Variants in NRP2 observed in about 807,000 individuals in gnomAD.
NRP2 encodes the protein neuropilin-2.
In NRP2, 52 loss-of-function variants were observed where a neutral mutation model predicts 110.4. The ratio of observed to expected loss-of-function variants is 0.47; its 90% CI spans 0.38 to 0.59. The LOEUF is 0.59. Among genes scored for constraint, NRP2 ranks in the 20% least tolerant of loss-of-function variants. The pLI is 0.00. For synonymous variants in NRP2, 508 were observed against 468.9 expected (o/e 1.08, Z -1.08); for missense variants, 1,049 against 1,203.0 (o/e 0.87, Z 1.89).
intron 1 of NRP2, among the ~76,000 whole-genome samples, chr2:205,696,963 G>C (rs1253473085): frequency 4.6e-5 from 7 of 151,942 alleles, no homozygotes; most frequent in Non-Finnish European, 8.8e-5. Flanking sequence ...AATTTAAAAA[G>C]GCTGCAATCA....
chr2:205,764,388 G>A (rs2057878067), intron 13 of NRP2: 2 of 196,136 alleles, frequency 1.0e-5, no homozygotes, highest in Admixed American at 5.4e-5. Context: ...TCAGTGGCCG[G>A]CAGACATGAG....
intron 11 of NRP2, among the ~76,000 whole-genome samples, chr2:205,750,343 C>A (rs1022595638): frequency 5.3e-5 from 8 of 152,134 alleles, no homozygotes; most frequent in African/African-American, 1.9e-4. Flanking sequence ...TTCACCGCCA[C>A]CAATTTGAGA....
chr2:205,698,376 G>C (rs913522793), intron 2 of NRP2, among the ~76,000 whole-genome samples: 13 of 152,090 alleles, frequency 8.5e-5, no homozygotes, highest in East Asian at 1.9e-4. Context: ...TGCACAGTGG[G>C]CCCTGGGAAG....
chr2:205,711,748 G>A (rs747756666), intron 2 of NRP2, among the ~76,000 whole-genome samples: 5 of 152,184 alleles, frequency 3.3e-5, no homozygotes, highest in Admixed American at 2.0e-4. Flanking sequence ...CTCTATCTTC[G>A]ATACAGAAAT....
chr2:205,724,911 C>T (rs2057099169), intron 5 of NRP2, among the ~76,000 whole-genome samples: 1 of 152,114 alleles, frequency 6.6e-6, no homozygotes, highest in Admixed American at 6.5e-5. Context: ...AAGTGATCTG[C>T]CTGCCTTGGC....
chr2:205,761,165 T>C (rs1397040110), intron 12 of NRP2, among the ~76,000 whole-genome samples: 1 of 152,210 alleles, frequency 6.6e-6, no homozygotes, highest in African/African-American at 2.4e-5. Flanking sequence ...TATGAGAAGC[T>C]AGCTGATTCT....
chr2:205,760,180 G>A (rs1327942472), intron 12 of NRP2, among the ~76,000 whole-genome samples: 1 of 152,184 alleles, frequency 6.6e-6, no homozygotes, highest in Non-Finnish European at 1.5e-5. Context: ...CGCACAGGCA[G>A]CAGGTGTTCA....
Position 205,745,792 on chromosome 2 carries a change from T to C in NRP2, c.1688T>C (p.Phe563Ser), listed in dbSNP as rs1045208252. 1 of 1,614,100 alleles carries C rather than the reference T, an allele frequency of 6.2e-7. No homozygotes were observed. Among genetic ancestry groups the C allele is most frequent in the African/African-American group, 1.3e-5 (1 of 74,954 alleles). ...MHYDTPDIRR[F>S]DPIPAQYVRV... ...TATGACACCCCTGACATCCGAAGGT[T>C]TGACCCCATTCCGGCACAGTATGTG... is the stretch of plus-strand genomic sequence containing the variant. The change falls in exon 10 of 17, where the codon TTT becomes TCT. Residue 563 changes from phenylalanine to serine, a missense_variant. Transcript: ENST00000357785.
At chr2:205,711,809 G>A (rs1419086630) in intron 2 of NRP2, among the ~76,000 whole-genome samples, 2 of 152,150 alleles carry the variant, frequency 1.3e-5, no homozygotes, top group Non-Finnish European at 2.9e-5. Context: ...TTCTGACAAG[G>A]GCCAGACATT....
At chr2:205,716,833 G>C (rs2056907711) in intron 3 of NRP2, among the ~76,000 whole-genome samples, 1 of 152,038 alleles carries the variant, frequency 6.6e-6, no homozygotes, top group South Asian at 2.1e-4. Flanking sequence ...CTCCCAAATG[G>C]GGTCACACCA....
intron 1 of NRP2, among the ~76,000 whole-genome samples, chr2:205,694,861 T>C (rs571540682): frequency 2.6e-5 from 4 of 152,348 alleles, no homozygotes; most frequent in African/African-American, 9.6e-5. Context: ...TTTTTACTGA[T>C]ATGTTTCAAG....
At chr2:205,781,926 A>C (rs920234665) in intron 15 of NRP2, among the ~76,000 whole-genome samples, 1 of 152,146 alleles carries the variant, frequency 6.6e-6, no homozygotes, top group African/African-American at 2.4e-5. Flanking sequence ...GTCAGATACA[A>C]TCAGAAACCC....
chr2:205,703,621 G>A (rs1438765673), intron 2 of NRP2, among the ~76,000 whole-genome samples: 1 of 152,212 alleles, frequency 6.6e-6, no homozygotes, highest in Non-Finnish European at 1.5e-5. Flanking sequence ...TGGGCCCACA[G>A]CATCCAGGTC....
Position 205,795,169 on chromosome 2 carries a change from C to A in NRP2, c.*111C>A. On this transcript the variant is annotated 3_prime_UTR_variant, in exon 17 of 17. Coordinates refer to ENST00000357785, the MANE Select transcript of NRP2 (RefSeq NM_003872.3). Reference sequence around the variant, plus strand: ...ATGCCATAATCTCGATCAAACCGATCCAGAATACCGAAGGTATGGACAGGA... The same window carrying A: ...ATGCCATAATCTCGATCAAACCGATACAGAATACCGAAGGTATGGACAGGA... The A allele has an allele frequency of 9.2e-7, 1 of 1,084,122 alleles. No homozygotes were observed. Among genetic ancestry groups the A allele is most frequent in the Non-Finnish European group, 1.4e-6 (1 of 731,144 alleles). The allele number at this position is 1,084,122 out of a possible 1,614,324, so 67.2% of individuals were successfully genotyped here. A position where few individuals can be genotyped will look rare whatever the true frequency, so the allele number is the denominator to read the frequency against.
In NRP2 at chr2:205,683,295, A is replaced by T. The variant is rs772989982; in HGVS notation, c.5A>T (p.Asp2Val). ...GAAAGAGCCACCTTCTCCAAAATGG[A>T]TATGTTTCCTCTCACCTGGGTTTTC... MDMFPLTWVFLA... is the reference protein window; with the variant it reads MVMFPLTWVFLA... The change falls in exon 1 of 17, where the codon GAT becomes GTT. Residue 2 changes from aspartate (D) to valine (V), a missense_variant. Transcript: ENST00000357785. The T allele has an allele frequency of 3.7e-6, 6 of 1,613,098 alleles. No individual in the cohort carries two copies. The South Asian group carries it at 6.6e-5, about 18-fold the overall frequency.
intron 2 of NRP2, among the ~76,000 whole-genome samples, chr2:205,714,263 G>T (rs745391947): frequency 6.6e-6 from 1 of 152,176 alleles, no homozygotes; most frequent in Non-Finnish European, 1.5e-5. Flanking sequence ...CTTGCCTGAG[G>T]TCACCCAGCT....
chr2:205,691,538 G>T (rs1015847798), intron 1 of NRP2, among the ~76,000 whole-genome samples: 1 of 152,184 alleles, frequency 6.6e-6, no homozygotes, highest in South Asian at 2.1e-4. Context: ...AAGAGGTTTG[G>T]GTTTCACTTG....
At position 205,763,589 on chromosome 2, in the gene NRP2, C is replaced by G; in HGVS notation, c.2045-85C>G. The G allele has an allele frequency of 1.9e-6, 3 of 1,582,088 alleles. No individual in the cohort carries two copies. Among genetic ancestry groups the G allele is most frequent in the Non-Finnish European group, 2.6e-6 (3 of 1,152,598 alleles). On this transcript the variant is annotated intron_variant, in intron 12 of 16. Transcript: ENST00000357785. This position sits in a 1 kb window ranked among gnomAD's most constrained non-coding sequence, Gnocchi z 4.0. ...CAAAGACACCGAAACTCAGTCCCAA[C>G]TTTCCCTTGGAGAGGCCACAGCAGC...
At chr2:205,732,117 G>A (rs1022611083) in intron 7 of NRP2, among the ~76,000 whole-genome samples, 1 of 152,154 alleles carries the variant, frequency 6.6e-6, no homozygotes. Context: ...AGGACTGAGA[G>A]GTACACATTT....
Sources: gnomAD v4.1 joint callset for allele counts (sites outside exome capture counted in the v4.1 genomes callset) on GRCh38, gnomAD v4.1.1 for gene constraint, Gnocchi (gnomAD v3.1) non-coding constraint, MANE v1.5 for transcripts, NCBI Gene and HGNC (gene_info 2026-07-23, HGNC 2026-07-21) for gene names.